The following CSMD3 variants were observed in gnomAD, a reference collection of about 807,000 sequenced individuals.
CSMD3 encodes the protein CUB and sushi domain-containing protein 3.
A neutral mutation model predicts 435.2 loss-of-function variants in CSMD3; 177 were observed. That is an observed-to-expected ratio of 0.41 (90% CI 0.36 to 0.46). The LOEUF (loss-of-function observed/expected upper bound fraction) is 0.46. Among genes scored for constraint, CSMD3 ranks in the 20% least tolerant of loss-of-function variants. CSMD3 has a pLI of 0.34. For missense variants in CSMD3, 4,265 were observed against 4,504.6 expected (o/e 0.95, Z 1.52); for synonymous variants, 1,656 against 1,520.5 (o/e 1.09, Z -2.07).
intron 4 of CSMD3, among the ~76,000 whole-genome samples, chr8:113,119,472 C>T (rs893959375): frequency 6.6e-5 from 10 of 152,022 alleles, no homozygotes; most frequent in African/African-American, 2.4e-4. Flanking sequence ...AAGAGAATAG[C>T]CTTAATCGGT....
intron 16 of CSMD3, among the ~76,000 whole-genome samples, chr8:112,668,084 TTA>T (rs1263812580): frequency 6.6e-6 from 1 of 152,184 alleles, no homozygotes; most frequent in African/African-American, 2.4e-5. Context: ...CCAAAAGATG[TTA>T]TTTGTATGAC....
chr8:112,319,539 C>T (rs1030648535), intron 46 of CSMD3, among the ~76,000 whole-genome samples: 7 of 152,064 alleles, frequency 4.6e-5, no homozygotes, highest in Admixed American at 2.0e-4. Context: ...ATATGGCCTA[C>T]AAACCATTCA....
intron 31 of CSMD3, 61 bp downstream of exon 31, chr8:112,492,428 C>G (rs2130851163): frequency 7.6e-7 from 1 of 1,315,362 alleles, no homozygotes; most frequent in Non-Finnish European, 1.1e-6. Flanking sequence ...ACAGAAATGT[C>G]TTTAAATATT....
intron 9 of CSMD3, among the ~76,000 whole-genome samples, chr8:112,940,306 A>G (rs986442954): frequency 1.3e-5 from 2 of 151,770 alleles, no homozygotes; most frequent in Non-Finnish European, 3.0e-5. Context: ...ATTTGCTCTC[A>G]AGAGAAGCCC....
chr8:112,239,987 G>T (rs1396545769), intron 66 of CSMD3, among the ~76,000 whole-genome samples: 1 of 151,856 alleles, frequency 6.6e-6, no homozygotes, highest in Non-Finnish European at 1.5e-5. Flanking sequence ...ATAATGTAAG[G>T]ATTTAAGGCT....
At chr8:113,333,797 G>T (rs1420478992) in intron 1 of CSMD3, among the ~76,000 whole-genome samples, 2 of 151,680 alleles carry the variant, frequency 1.3e-5, no homozygotes, top group African/African-American at 4.8e-5. Flanking sequence ...TGTTGTCTAC[G>T]TCTACAAAAA....
chr8:112,951,161 T>G (rs1458882014), intron 8 of CSMD3, among the ~76,000 whole-genome samples: 3 of 151,904 alleles, frequency 2.0e-5, no homozygotes, highest in Non-Finnish European at 4.4e-5. Flanking sequence ...ATTTCAGAAT[T>G]GCCCATAGCT....
intron 59 of CSMD3, among the ~76,000 whole-genome samples, chr8:112,277,449 T>G (rs1321788360): frequency 6.6e-6 from 1 of 152,200 alleles, no homozygotes; most frequent in Non-Finnish European, 1.5e-5. Flanking sequence ...CATATCATTA[T>G]CAGCATTTTG....
intron 1 of CSMD3, among the ~76,000 whole-genome samples, chr8:113,382,069 A>G (rs2094418179): frequency 6.6e-6 from 1 of 152,164 alleles, no homozygotes; most frequent in South Asian, 2.1e-4. Flanking sequence ...TCTTATAGAT[A>G]TTACCATAAA....
At chr8:113,328,938 C>T (rs2094006008) in intron 1 of CSMD3, among the ~76,000 whole-genome samples, 3 of 150,924 alleles carry the variant, frequency 2.0e-5, no homozygotes, top group Non-Finnish European at 4.4e-5. Context: ...GATGGAATTT[C>T]ATCATGTTGC....
chr8:113,425,113 CT>C (rs1482278904), intron 1 of CSMD3, among the ~76,000 whole-genome samples: 1 of 151,426 alleles, frequency 6.6e-6, no homozygotes, highest in Non-Finnish European at 1.5e-5. Context: ...GAAGGAATGT[CT>C]CAAAGAGTTC....
chr8:112,576,267 G>T (rs1472534062), intron 23 of CSMD3, among the ~76,000 whole-genome samples: 1 of 151,904 alleles, frequency 6.6e-6, no homozygotes, highest in Non-Finnish European at 1.5e-5. Flanking sequence ...ATCTTCAGGA[G>T]TAATGAAAAG....
intron 30 of CSMD3, among the ~76,000 whole-genome samples, chr8:112,495,470 C>T (rs1821244316): frequency 6.6e-6 from 1 of 152,134 alleles, no homozygotes; most frequent in Non-Finnish European, 1.5e-5. Context: ...AAAATAATGC[C>T]TCTGCAACAA....
intron 1 of CSMD3, among the ~76,000 whole-genome samples, chr8:113,328,649 A>G (rs1193406028): frequency 6.6e-6 from 1 of 151,232 alleles, no homozygotes; most frequent in East Asian, 2.0e-4. Context: ...TGGAAGGGTG[A>G]GAATATGATT....
chr8:113,296,325 C>T (rs2093721733), intron 2 of CSMD3, among the ~76,000 whole-genome samples: 2 of 104,280 alleles, frequency 1.9e-5, no homozygotes, highest in Admixed American at 1.1e-4. Flanking sequence ...AATAGAACAG[C>T]CTGGGCAACA....
intron 2 of CSMD3, among the ~76,000 whole-genome samples, chr8:113,305,749 T>C (rs1367017213): frequency 6.6e-6 from 1 of 152,246 alleles, no homozygotes; most frequent in Non-Finnish European, 1.5e-5. Flanking sequence ...TTGAGATCTA[T>C]GCAATCATTA....
chr8:112,302,546 T>A (rs1011076695), intron 52 of CSMD3, among the ~76,000 whole-genome samples: 2 of 152,152 alleles, frequency 1.3e-5, no homozygotes, highest in African/African-American at 4.8e-5. Flanking sequence ...GCTTGCTGGG[T>A]CATATAGCAT....
intron 1 of CSMD3, among the ~76,000 whole-genome samples, chr8:113,394,591 T>C (rs886459410): frequency 1.3e-5 from 2 of 152,118 alleles, no homozygotes; most frequent in Admixed American, 1.3e-4. Context: ...TCACAATGTG[T>C]TTTCCATTTT....
intron 5 of CSMD3, among the ~76,000 whole-genome samples, chr8:113,063,364 T>C (rs575059707): frequency 2.2e-4 from 33 of 152,046 alleles, no homozygotes; most frequent in Non-Finnish European, 4.1e-4. Flanking sequence ...CCTCACTTCA[T>C]GGATATTTAT....
Sources: gnomAD v4.1 joint callset for allele counts (sites outside exome capture counted in the v4.1 genomes callset) on GRCh38, gnomAD v4.1.1 for gene constraint, MANE v1.5 for transcripts, NCBI Gene and HGNC (gene_info 2026-07-23, HGNC 2026-07-21) for gene names.